LTN1: variants seen among roughly 807,000 people sequenced by gnomAD.
LTN1 encodes listerin E3 ubiquitin protein ligase 1, also known as E3 ubiquitin-protein ligase listerin.
Under a neutral mutation model 201.2 loss-of-function variants are expected in LTN1, and 88 were observed. The observed-to-expected ratio is 0.44, with a 90% CI of 0.37 to 0.52. The LOEUF is 0.52. LTN1 is among the 20% of genes least tolerant of loss of function. The pLI, the probability that LTN1 is intolerant of heterozygous loss-of-function variation, is 0.00. For synonymous variants in LTN1, 645 were observed against 713.5 expected (o/e 0.90, Z 1.53); for missense variants, 1,752 against 2,038.7 (o/e 0.86, Z 2.71).
intron 18 of LTN1, among the ~76,000 whole-genome samples, chr21:28,949,814 AGG>A (rs1351880374): frequency 5.3e-5 from 8 of 151,540 alleles, no homozygotes; most frequent in African/African-American, 2.0e-4. Flanking sequence ...TAAAATGTAA[AGG>A]AGAAGGTCTC....
At position 28,957,377 on chromosome 21, in the gene LTN1, C is replaced by T. The variant is rs948803279; in HGVS notation, c.2847G>A (p.Pro949=). The T allele has an allele frequency of 1.0e-5, 16 of 1,605,232 alleles. No homozygotes were observed. Among genetic ancestry groups the T allele is most frequent in the African/African-American group, 5.4e-5 (4 of 74,326 alleles). The change falls in exon 15 of 30, where the codon CCG becomes CCA. Residue 949 remains proline (P), a synonymous_variant. Transcript: ENST00000361371. ...LMGVYIGSVM[P]NDSEWEKMRQ... ...TCATCTTTTCCCATTCACTGTCGTT[C>T]GGCATTACACTTCCAATATAAACTC... is the stretch of plus-strand genomic sequence containing the variant.
chr21:28,984,914 G>C lies in LTN1; in HGVS notation c.354C>G (p.Asp118Glu). Residue 118 changes from aspartate (D) to glutamate (E), a missense_variant, in exon 4 of 30, where the codon GAC (aspartate) becomes GAG (glutamate). By Grantham distance (45) the Asp-to-Glu change is conservative. This residue lies in a region of LTN1 where 280 missense variants were observed against 375.7 expected (regional missense o/e 0.75). Coordinates refer to ENST00000361371, the MANE Select transcript of LTN1 (RefSeq NM_015565.3). ...RIFCKISLDH[D>E]RRVREATQQA... ...GTTGTGTGGCTTCTCGGACGCGACG[G>C]TCATGATCCTATTAAAAATATAAAT... The C allele has an allele frequency of 6.2e-7, 1 of 1,608,170 alleles. No homozygotes were observed. The highest frequency in any genetic ancestry group is 8.5e-7 in the Non-Finnish European group (1 of 1,177,038).
chr21:28,965,987 A>T, intron 10 of LTN1, 81 bp from the exon 11 acceptor site: 1 of 862,002 alleles, frequency 1.2e-6, no homozygotes, highest in Non-Finnish European at 1.8e-6. Context: ...TGCCCAGGCT[A>T]GTCTAGAACT....
Position 28,943,345 on chromosome 21 carries a change from T to C in LTN1, c.4221-9A>G, listed in dbSNP as rs2084311960. On this transcript the variant is annotated splice_polypyrimidine_tract_variant and intron_variant, in intron 23 of 29. Transcript: ENST00000361371. ...GTAATTCAGGCATCAATCTAGAAAT[T>C]AGAACATTATTTTTAAATATGTGAT... 4.6e-6 allele frequency: 7 copies of C among 1,522,640 alleles called. No homozygotes were observed. Among genetic ancestry groups the C allele is most frequent in the Admixed American group, 1.7e-5 (1 of 57,336 alleles). 94.3% of individuals were successfully genotyped at this position (1,522,640 alleles called of 1,614,324 possible). A position where few individuals can be genotyped will look rare whatever the true frequency, so the allele number is the denominator to read the frequency against.
At chr21:28,985,747 C>G (rs971355305) in intron 3 of LTN1, among the ~76,000 whole-genome samples, 1 of 151,800 alleles carries the variant, frequency 6.6e-6, no homozygotes, top group East Asian at 1.9e-4. Context: ...GCAACCTCCG[C>G]CCCACCGGGT....
chr21:28,963,406 A>G (rs545806952), intron 11 of LTN1, among the ~76,000 whole-genome samples: 37 of 152,364 alleles, frequency 2.4e-4, no homozygotes, highest in East Asian at 7.7e-4. Context: ...CCTGTGCTCT[A>G]TAAGTGGAAT....
At position 28,958,492 on chromosome 21, in the gene LTN1, A is replaced by T. The variant is rs144054253; in HGVS notation, c.2641T>A (p.Leu881Ile). Reference protein sequence around the residue: ...LKNTWLSGVNLLVHQTDSSYK... With the variant: ...LKNTWLSGVNILVHQTDSSYK... ...GAACTGTCAGTTTGATGAACCAATA[A>T]ATTTACACCAGAGAGCCAAGTATTT... is the stretch of plus-strand genomic sequence containing the variant. Residue 881 changes from leucine (L) to isoleucine (I), a missense_variant, in exon 14 of 30, where the codon TTA (leucine) becomes ATA (isoleucine). Leu to Ile is a conservative substitution (Grantham distance 5). Transcript: ENST00000361371. 1 of 1,611,134 alleles carries T rather than the reference A, an allele frequency of 6.2e-7. No individual in the cohort carries two copies. Among genetic ancestry groups the T allele is most frequent in the Non-Finnish European group, 8.5e-7 (1 of 1,178,720 alleles).
intron 25 of LTN1, among the ~76,000 whole-genome samples, chr21:28,940,980 A>G (rs2146263953): frequency 6.6e-6 from 1 of 152,216 alleles, no homozygotes; most frequent in Non-Finnish European, 1.5e-5. Context: ...CCAGCTACTT[A>G]GTGAGAAGAT....
At chr21:28,954,081 C>T (rs1309833717) in intron 16 of LTN1, among the ~76,000 whole-genome samples, 2 of 152,102 alleles carry the variant, frequency 1.3e-5, no homozygotes, top group Non-Finnish European at 2.9e-5. Flanking sequence ...ACAAAAACAA[C>T]AATAATATCT....
intron 8 of LTN1, among the ~76,000 whole-genome samples, chr21:28,970,055 G>A (rs2084560981): frequency 1.3e-5 from 2 of 151,966 alleles, no homozygotes; most frequent in Admixed American, 6.5e-5. Flanking sequence ...AGATAATGGT[G>A]TAGTAAAAAA....
intron 17 of LTN1, 79 bp downstream of exon 17, chr21:28,953,138 T>C (rs539139729): frequency 1.3e-5 from 12 of 949,780 alleles, no homozygotes; most frequent in African/African-American, 1.7e-5. Flanking sequence ...TAGCATGCAG[T>C]AGGGTTACCT....
chr21:28,985,754 G>A (rs1034578844), intron 3 of LTN1, among the ~76,000 whole-genome samples: 1 of 151,410 alleles, frequency 6.6e-6, no homozygotes, highest in African/African-American at 2.4e-5. Context: ...CCGCCCCACC[G>A]GGTTCAAGCG....
At position 28,986,978 on chromosome 21, in the gene LTN1, G is replaced by A; in HGVS notation, c.43-44C>T. The A allele has an allele frequency of 7.5e-7, 1 of 1,327,146 alleles. No individual in the cohort carries two copies. Among genetic ancestry groups the A allele is most frequent in the Non-Finnish European group, 1.1e-6 (1 of 922,424 alleles). The allele number at this position is 1,327,146 out of a possible 1,614,324, so 82.2% of individuals were successfully genotyped here. A position where few individuals can be genotyped will look rare whatever the true frequency, so the allele number is the denominator to read the frequency against. On this transcript the variant is annotated intron_variant, in intron 1 of 29. Transcript: ENST00000361371. The surrounding 1 kb of genome is among the most constrained non-coding windows in gnomAD (Gnocchi z 4.1). Reference sequence around the variant, plus strand: ...AGAAAAAAGTCAGAGTCCAGGAAGGGTTCAAAACTTAACTTTATAATTCCT... The same window carrying A: ...AGAAAAAAGTCAGAGTCCAGGAAGGATTCAAAACTTAACTTTATAATTCCT...
chr21:28,971,139 T>C, intron 7 of LTN1, 132 bp downstream of exon 7: 1 of 695,058 alleles, frequency 1.4e-6, no homozygotes. Flanking sequence ...CTCTATGCCA[T>C]TTTAGTCACT....
At chr21:28,969,752 C>T (rs1478980816) in intron 8 of LTN1, 151 bp from the exon 9 acceptor site, 16 of 495,808 alleles carry the variant, frequency 3.2e-5, no homozygotes, top group Non-Finnish European at 6.9e-6. Flanking sequence ...AATGAAAATA[C>T]ATATAGCCCA....
At position 28,971,455 on chromosome 21, in the gene LTN1, G is replaced by A. The variant is rs372187458; in HGVS notation, c.811-11C>T. The stretch of plus-strand genomic sequence containing the variant: ...ATAAGCTGAGCGAATCTAAAAGAAT[G>A]CAAAGCTGAATTAAATTAAAACCTA... On this transcript the variant is annotated splice_polypyrimidine_tract_variant and intron_variant, in intron 6 of 29. Coordinates refer to ENST00000361371, the MANE Select transcript of LTN1 (RefSeq NM_015565.3). 32 of 1,609,566 alleles carry A rather than the reference G, an allele frequency of 2.0e-5. No individual in the cohort carries two copies. The African/African-American group carries it at 4.0e-4, about 20-fold the overall frequency.
At position 28,960,715 on chromosome 21, in the gene LTN1, A is replaced by T; in HGVS notation, c.2164-9T>A. 6.3e-7 allele frequency: 1 copy of T among 1,598,306 alleles called. No homozygotes were observed. Among genetic ancestry groups the T allele is most frequent in the Non-Finnish European group, 8.6e-7 (1 of 1,169,130 alleles). The stretch of plus-strand genomic sequence containing the variant: ...TCTGAACTAGGACATGCCTAAAACC[A>T]TAAAATTAAAGCAAAGATTAACAGC... On this transcript the variant is annotated splice_polypyrimidine_tract_variant and intron_variant, in intron 11 of 29. Coordinates refer to ENST00000361371, the MANE Select transcript of LTN1 (RefSeq NM_015565.3).
intron 25 of LTN1, among the ~76,000 whole-genome samples, chr21:28,936,946 C>T (rs1040992891): frequency 6.6e-6 from 1 of 152,174 alleles, no homozygotes; most frequent in African/African-American, 2.4e-5. Context: ...CCTCACTCTC[C>T]TCCCAAGTCT....
chr21:28,959,807 T>C (rs2084459992), intron 12 of LTN1, 110 bp from the exon 13 acceptor site: 1 of 952,984 alleles, frequency 1.0e-6, no homozygotes, highest in African/African-American at 1.7e-5. Flanking sequence ...TTTTAAAATG[T>C]ATTAGACAAA....
Sources: gnomAD v4.1 joint callset for allele counts (sites outside exome capture counted in the v4.1 genomes callset) on GRCh38, gnomAD v4.1.1 for gene constraint, gnomAD v4.1.1 regional missense constraint, Gnocchi (gnomAD v3.1) non-coding constraint, MANE v1.5 for transcripts, NCBI Gene and HGNC (gene_info 2026-07-23, HGNC 2026-07-21) for gene names.